The following PPP2R2B variants were observed in gnomAD, a reference collection of about 807,000 sequenced individuals.
The protein encoded by PPP2R2B is serine/threonine-protein phosphatase 2A 55 kDa regulatory subunit B beta isoform.
Under a neutral mutation model 46.0 loss-of-function variants are expected in PPP2R2B, and 5 were observed. That is an observed-to-expected ratio of 0.11 (90% CI 0.06 to 0.23). The LOEUF is 0.23. Among genes scored for constraint, PPP2R2B ranks in the 10% least tolerant of loss-of-function variants. The pLI, the probability that PPP2R2B is intolerant of heterozygous loss-of-function variation, is 1.00. For synonymous variants in PPP2R2B, 215 were observed against 206.7 expected, an observed-to-expected ratio of 1.04 and a Z score of -0.34; for missense variants, 367 against 575.0, an observed-to-expected ratio of 0.64 and a Z score of 3.70.
intron 2 of PPP2R2B, among the ~76,000 whole-genome samples, chr5:146,730,341 G>A (rs1011207970): frequency 2.0e-5 from 3 of 152,168 alleles, no homozygotes; most frequent in African/African-American, 7.2e-5. Flanking sequence ...AGGTAGAAGG[G>A]ACTTACCTTG....
chr5:146,938,131 C>T (rs775854648), intron 1 of PPP2R2B, among the ~76,000 whole-genome samples: 1 of 152,084 alleles, frequency 6.6e-6, no homozygotes, highest in Non-Finnish European at 1.5e-5. Context: ...TTCCAACACA[C>T]TATTGATTAT....
chr5:147,070,083 C>A (rs147181704), intron 2 of PPP2R2B, among the ~76,000 whole-genome samples: 2 of 152,060 alleles, frequency 1.3e-5, no homozygotes, highest in African/African-American at 4.8e-5. Context: ...GCCACCACAC[C>A]AGGCCCATTT....
At chr5:146,870,442 G>A (rs1761549725) in intron 2 of PPP2R2B, among the ~76,000 whole-genome samples, 1 of 152,194 alleles carries the variant, frequency 6.6e-6, no homozygotes, top group Non-Finnish European at 1.5e-5. Flanking sequence ...AAGGCCATAT[G>A]AGGACCCAGC....
At chr5:146,664,941 T>A (rs1488165466) in intron 5 of PPP2R2B, among the ~76,000 whole-genome samples, 1 of 152,162 alleles carries the variant, frequency 6.6e-6, no homozygotes, top group Non-Finnish European at 1.5e-5. Flanking sequence ...GAAATAAATC[T>A]AGTTTTCTAG....
At chr5:146,958,880 AT>A (rs1331970981) in intron 1 of PPP2R2B, among the ~76,000 whole-genome samples, 1 of 152,186 alleles carries the variant, frequency 6.6e-6, no homozygotes, top group Non-Finnish European at 1.5e-5. Flanking sequence ...AGGTTCTATT[AT>A]TTCCATTTCA....
intron 1 of PPP2R2B, among the ~76,000 whole-genome samples, chr5:146,905,049 A>C (rs1211718544): frequency 6.6e-6 from 1 of 152,206 alleles, no homozygotes; most frequent in African/African-American, 2.4e-5. Context: ...AGCACCTGAA[A>C]ATATGCTCAA....
intron 2 of PPP2R2B, among the ~76,000 whole-genome samples, chr5:146,793,496 T>A (rs1212627175): frequency 6.6e-6 from 1 of 152,212 alleles, no homozygotes; most frequent in Non-Finnish European, 1.5e-5. Flanking sequence ...AAGTCACTTA[T>A]TTAATCCCTA....
rs532167789 is a variant in PPP2R2B, at chr5:146,726,911, C to T, written c.71-25769G>A. Among the ~76,000 whole-genome samples, 3 of 152,256 alleles carry T rather than the reference C, an allele frequency of 2.0e-5. No individual in the cohort carries two copies. The East Asian group carries it at 5.8e-4, about 29-fold the overall frequency. ...TGTGGCTATGTAAATGTTAGATTTG[C>T]ATGGCTTTGTAACTAGGATACACAT... On this transcript the variant is annotated intron_variant, in intron 2 of 9. Transcript: ENST00000394411.
chr5:146,951,621 C>T (rs1332088447), intron 1 of PPP2R2B, among the ~76,000 whole-genome samples: 3 of 151,850 alleles, frequency 2.0e-5, no homozygotes, highest in Admixed American at 6.6e-5. Context: ...TTTGGTTTTC[C>T]GTTCCTGTGT....
chr5:146,658,629 A>C (rs1240380253), intron 5 of PPP2R2B, among the ~76,000 whole-genome samples: 2 of 152,138 alleles, frequency 1.3e-5, no homozygotes, highest in Non-Finnish European at 2.9e-5. Flanking sequence ...CCTAACTTCC[A>C]TGTTCTCCTT....
chr5:146,959,145 G>T (rs1169994973), intron 1 of PPP2R2B, among the ~76,000 whole-genome samples: 1 of 152,152 alleles, frequency 6.6e-6, no homozygotes, highest in South Asian at 2.1e-4. Flanking sequence ...TAGAAACCTG[G>T]AAATTCTAAG....
chr5:147,045,238 T>C (rs969092894), intron 1 of PPP2R2B, among the ~76,000 whole-genome samples: 6 of 152,208 alleles, frequency 3.9e-5, no homozygotes, highest in African/African-American at 1.4e-4. Context: ...ATGTACTGCA[T>C]AATGACATTT....
intron 1 of PPP2R2B, among the ~76,000 whole-genome samples, chr5:146,983,880 T>C (rs1001560009): frequency 1.3e-5 from 2 of 152,062 alleles, no homozygotes; most frequent in African/African-American, 4.8e-5. Context: ...GTTGATTGGC[T>C]GATAACAAAT....
chr5:146,697,690 A>C (rs1779261958), intron 4 of PPP2R2B, among the ~76,000 whole-genome samples: 1 of 152,208 alleles, frequency 6.6e-6, no homozygotes, highest in Non-Finnish European at 1.5e-5. Context: ...ATCTTAAGAC[A>C]GGAAGTCACA....
chr5:146,791,041 G>C (rs1022408108), intron 2 of PPP2R2B, among the ~76,000 whole-genome samples: 5 of 152,208 alleles, frequency 3.3e-5, no homozygotes. Context: ...AAGAAGAAAA[G>C]GCAAAGAGAG....
At chr5:146,604,650 C>A (rs1301261073) in intron 7 of PPP2R2B, among the ~76,000 whole-genome samples, 3 of 152,192 alleles carry the variant, frequency 2.0e-5, no homozygotes, top group Non-Finnish European at 4.4e-5. Flanking sequence ...GCTACCACTT[C>A]TTGGTCCTCA....
chr5:147,005,744 AAAG>A (rs1754407537), intron 1 of PPP2R2B, among the ~76,000 whole-genome samples: 1 of 152,292 alleles, frequency 6.6e-6, no homozygotes, highest in African/African-American at 2.4e-5. Flanking sequence ...ACAGAAAGTC[AAAG>A]AAGGAAAGGA....
At chr5:146,696,678 T>C (rs2151161186) in intron 4 of PPP2R2B, among the ~76,000 whole-genome samples, 1 of 152,268 alleles carries the variant, frequency 6.6e-6, no homozygotes, top group South Asian at 2.1e-4. Context: ...TAAATATAGT[T>C]ATGAGAAAGA....
intron 2 of PPP2R2B, among the ~76,000 whole-genome samples, chr5:146,868,707 A>G (rs1408496854): frequency 6.6e-6 from 1 of 152,212 alleles, no homozygotes; most frequent in Non-Finnish European, 1.5e-5. Flanking sequence ...TCCTTGGTAG[A>G]AATTGGACCC....
Sources: gnomAD v4.1 joint callset for allele counts (sites outside exome capture counted in the v4.1 genomes callset) on GRCh38, gnomAD v4.1.1 for gene constraint, MANE v1.5 for transcripts, NCBI Gene and HGNC (gene_info 2026-07-23, HGNC 2026-07-21) for gene names.